Variants in PDE10A observed in about 807,000 individuals in gnomAD.
PDE10A encodes cAMP and cAMP-inhibited cGMP 3',5'-cyclic phosphodiesterase 10A.
In PDE10A, 39 loss-of-function variants were observed where a neutral mutation model predicts 97.7. The ratio of observed to expected loss-of-function variants is 0.40; its 90% CI spans 0.31 to 0.52. The LOEUF (loss-of-function observed/expected upper bound fraction) is 0.52. Ranked by LOEUF, PDE10A falls within the 20% of genes least tolerant of loss-of-function variation. PDE10A has a pLI of 0.56. For synonymous variants in PDE10A, 371 were observed against 376.8 expected, an observed-to-expected ratio of 0.98 and a Z score of 0.18; for missense variants, 731 against 1,047.8, an observed-to-expected ratio of 0.70 and a Z score of 4.17.
intron 1 of PDE10A, among the ~76,000 whole-genome samples, chr6:165,849,464 G>A (rs1023558616): frequency 6.6e-6 from 1 of 152,194 alleles, no homozygotes; most frequent in African/African-American, 2.4e-5. Context: ...TGGGGCATCC[G>A]CCCCTTGGGA....
intron 1 of PDE10A, among the ~76,000 whole-genome samples, chr6:165,731,074 C>T (rs1357736044): frequency 6.6e-6 from 1 of 152,132 alleles, no homozygotes; most frequent in Non-Finnish European, 1.5e-5. Flanking sequence ...AAAAAAATGT[C>T]AATTGTACAG....
At chr6:165,448,626 C>T (rs1267923147) in intron 5 of PDE10A, among the ~76,000 whole-genome samples, 1 of 152,086 alleles carries the variant, frequency 6.6e-6, no homozygotes, top group African/African-American at 2.4e-5. Flanking sequence ...TCCCAGCTCA[C>T]AGTGCCAAAT....
chr6:165,895,757 A>T (rs2457984), intron 1 of PDE10A, among the ~76,000 whole-genome samples: 130,389 of 151,982 alleles, frequency 0.86, 56,476 homozygotes, highest in East Asian at 1. Flanking sequence ...CCTGTTCCCA[A>T]GGGGCACTAG....
At chr6:165,777,729 A>G (rs1778226106) in intron 1 of PDE10A, among the ~76,000 whole-genome samples, 1 of 152,196 alleles carries the variant, frequency 6.6e-6, no homozygotes, top group African/African-American at 2.4e-5. Context: ...AATATTTAAA[A>G]CATACAAAAC....
chr6:165,887,607 C>T (rs1781663472), intron 1 of PDE10A, among the ~76,000 whole-genome samples: 2 of 152,202 alleles, frequency 1.3e-5, no homozygotes, highest in Admixed American at 1.3e-4. Flanking sequence ...CTTCCAGTGA[C>T]TAAGACCAAT....
intron 1 of PDE10A, among the ~76,000 whole-genome samples, chr6:165,873,715 T>C (rs1781262686): frequency 6.6e-6 from 1 of 152,164 alleles, no homozygotes; most frequent in South Asian, 2.1e-4. Context: ...TTTTAAAACT[T>C]AGATGCAAAA....
intron 1 of PDE10A, among the ~76,000 whole-genome samples, chr6:165,696,687 C>T (rs959655526): frequency 1.3e-5 from 2 of 152,076 alleles, no homozygotes; most frequent in Admixed American, 6.6e-5. Context: ...AAAAACAAAA[C>T]GGCAACAGAA....
chr6:165,490,814 G>A (rs1046526622), intron 2 of PDE10A, among the ~76,000 whole-genome samples: 6 of 152,130 alleles, frequency 3.9e-5, no homozygotes, highest in African/African-American at 9.7e-5. Flanking sequence ...TATTAGCTGA[G>A]TGTGGTGGCA....
chr6:165,766,135 T>G (rs993014197), intron 1 of PDE10A, among the ~76,000 whole-genome samples: 1 of 152,008 alleles, frequency 6.6e-6, no homozygotes, highest in Non-Finnish European at 1.5e-5. Context: ...TCCATGAGAA[T>G]GCTCTGGGCA....
intron 1 of PDE10A, among the ~76,000 whole-genome samples, chr6:165,549,485 C>T (rs528569219): frequency 9.2e-5 from 14 of 152,182 alleles, no homozygotes; most frequent in African/African-American, 3.1e-4. Context: ...CCACCACGCC[C>T]GGCCAATTTT....
intron 1 of PDE10A, among the ~76,000 whole-genome samples, chr6:165,903,186 G>A (rs78776944): frequency 0.042 from 6,381 of 152,228 alleles, 461 homozygotes; most frequent in African/African-American, 0.14. Context: ...ATTTTGTAAG[G>A]GTTCGAATTT....
intron 16 of PDE10A, among the ~76,000 whole-genome samples, chr6:165,391,950 G>A (rs1409528497): frequency 6.6e-6 from 1 of 152,160 alleles, no homozygotes; most frequent in African/African-American, 2.4e-5. Flanking sequence ...GAGAAAGGAG[G>A]ACTCCCTCTA....
At chr6:165,543,323 T>C in intron 2 of PDE10A, 117 bp downstream of exon 2, 2 of 678,254 alleles carry the variant, frequency 2.9e-6, no homozygotes, top group Non-Finnish European at 4.6e-6. Flanking sequence ...TCTGATAGAA[T>C]TACAGTGTTA....
intron 1 of PDE10A, among the ~76,000 whole-genome samples, chr6:165,745,837 A>G (rs952487350): frequency 1.3e-5 from 2 of 152,250 alleles, no homozygotes; most frequent in Non-Finnish European, 2.9e-5. Flanking sequence ...AGAGAATGAT[A>G]AACACCAAAA....
At chr6:165,416,328 G>T in intron 11 of PDE10A, 47 bp from the exon 12 acceptor site, 3 of 1,164,232 alleles carry the variant, frequency 2.6e-6, no homozygotes, top group Non-Finnish European at 3.9e-6. Context: ...TATGGACTCT[G>T]TAGAATAATT....
chr6:165,678,514 C>T (rs978670308), intron 1 of PDE10A, among the ~76,000 whole-genome samples: 43 of 151,992 alleles, frequency 2.8e-4, no homozygotes, highest in Non-Finnish European at 5.0e-4. Flanking sequence ...GGCTCAAATC[C>T]TCATAACCCC....
chr6:165,525,974 C>T (rs1434621753), intron 2 of PDE10A, among the ~76,000 whole-genome samples: 2 of 152,106 alleles, frequency 1.3e-5, no homozygotes, highest in Non-Finnish European at 2.9e-5. Flanking sequence ...ACAATTATGG[C>T]CCCTCAATTA....
chr6:165,854,482 C>T (rs1257746524), intron 1 of PDE10A, among the ~76,000 whole-genome samples: 1 of 152,198 alleles, frequency 6.6e-6, no homozygotes, highest in African/African-American at 2.4e-5. Context: ...CCCCGGTGTC[C>T]ACCTCCGGGC....
chr6:165,670,116 C>T lies in PDE10A; in HGVS notation c.-614-126548G>A, dbSNP rs1010342140. 7.2e-5 allele frequency among the ~76,000 whole-genome samples: 11 copies of T among 152,222 alleles called. No homozygotes were observed. In the East Asian group the frequency reaches 1.7e-3, roughly 24 times the overall value. Reference sequence around the variant, plus strand: ...AATCCAGCCACACACCAATGGTGGACGGCTCCTGGGGAATCAAAGAGAGAA... The same window carrying T: ...AATCCAGCCACACACCAATGGTGGATGGCTCCTGGGGAATCAAAGAGAGAA... On this transcript the variant is annotated intron_variant, in intron 1 of 19. Coordinates refer to the PDE10A transcript ENST00000366882.
Sources: gnomAD v4.1 joint callset for allele counts (sites outside exome capture counted in the v4.1 genomes callset) on GRCh38, gnomAD v4.1.1 for gene constraint, MANE v1.5 for transcripts, NCBI Gene and HGNC (gene_info 2026-07-23, HGNC 2026-07-21) for gene names.